Variants in ARL13A observed in about 807,000 individuals in gnomAD.
The protein encoded by ARL13A is ARF like GTPase 13A.
Under a neutral mutation model 19.1 loss-of-function variants are expected in ARL13A, and 16 were observed. The ratio of observed to expected loss-of-function variants is 0.84; its 90% CI spans 0.57 to 1.27. ARL13A has a LOEUF of 1.27. ARL13A is among the 50% of genes most tolerant of loss of function. The pLI is 0.00. For missense variants in ARL13A, 153 were observed against 186.4 expected, an observed-to-expected ratio of 0.82 and a Z score of 1.04; for synonymous variants, 69 against 71.3, an observed-to-expected ratio of 0.97 and a Z score of 0.17.
In ARL13A at chrX:100,987,344, G is replaced by A. The variant is rs144277194; in HGVS notation, c.487-46G>A. On this transcript the variant is annotated intron_variant, in intron 5 of 7. Transcript: ENST00000450049. Reference sequence around the variant, plus strand: ...AGTGACTGGTTCTGCGGGCCCCAGGGGTCCCAGGCTCCAGGTCTGCAGCCT... The same window carrying A: ...AGTGACTGGTTCTGCGGGCCCCAGGAGTCCCAGGCTCCAGGTCTGCAGCCT... The A allele has an allele frequency of 5.6e-4, 665 of 1,180,643 alleles. 12 individuals are homozygous for A. In the East Asian group the frequency reaches 0.019, roughly 34 times the overall value.
At chrX:100,975,646 T>TC (rs376233933) in intron 3 of ARL13A, among the ~76,000 whole-genome samples, 1 of 105,100 alleles carries the variant, frequency 9.5e-6, no homozygotes, top group Non-Finnish European at 1.9e-5. Flanking sequence ...TTTTTTTTTT[T>TC]CTCTGAGACA....
At position 100,985,780 on chromosome X, in the gene ARL13A, T is replaced by C. The variant is rs747694094; in HGVS notation, c.244T>C (p.Trp82Arg). ...LNGDLKGREA[W>R]PNYYAQAHGL... Reference sequence around the variant, plus strand: ...TGGAGACCTGAAGGGCCGGGAAGCATGGCCAAACTACTATGCACAGGCCCA... The same window carrying C: ...TGGAGACCTGAAGGGCCGGGAAGCACGGCCAAACTACTATGCACAGGCCCA... The change falls in exon 4 of 8, where the codon TGG becomes CGG. Residue 82 changes from tryptophan to arginine, a missense_variant. Trp to Arg is a moderately radical substitution (Grantham distance 101). Transcript: ENST00000450049. 6 of 1,209,607 alleles carry C rather than the reference T, an allele frequency of 5.0e-6. No individual in the cohort carries two copies. The African/African-American group carries it at 8.8e-5, about 18-fold the overall frequency.
At position 100,988,130 on chromosome X, in the gene ARL13A, TTAGA is replaced by T. The variant is rs749544653; in HGVS notation, c.654-60_654-57del. 1.2e-4 allele frequency: 109 copies of T among 918,070 alleles called. No homozygotes were observed. The African/African-American group carries it at 1.8e-3, about 15-fold the overall frequency. 75.7% of individuals were successfully genotyped at this position (918,070 alleles called of 1,213,427 possible). Reference sequence around the variant, plus strand: ...TGGCAGGGATGGGGTAGTAGCTGCATTAGATAAAGAAGCTTGAAGTGTGTCCGTT... The same window carrying T: ...TGGCAGGGATGGGGTAGTAGCTGCATTAAAGAAGCTTGAAGTGTGTCCGTT... On this transcript the variant is annotated intron_variant, in intron 6 of 7. Transcript: ENST00000450049.
intron 2 of ARL13A, 138 bp downstream of exon 2, chrX:100,973,886 G>T (rs1047548116): frequency 1.5e-6 from 1 of 688,093 alleles, no homozygotes. Flanking sequence ...ATTGGGGGCA[G>T]GGTTGAGGAG....
chrX:100,978,354 T>A (rs751274827), intron 3 of ARL13A, among the ~76,000 whole-genome samples: 1 of 111,783 alleles, frequency 8.9e-6, no homozygotes, highest in South Asian at 3.7e-4. Flanking sequence ...TCTCTTTAGC[T>A]CTAATAATAT....
chrX:100,984,637 C>T (rs1189574067), intron 3 of ARL13A, among the ~76,000 whole-genome samples: 3 of 112,491 alleles, frequency 2.7e-5, no homozygotes, highest in Non-Finnish European at 5.6e-5. Flanking sequence ...TGAACACCTA[C>T]TGTGTGTAAG....
chrX:100,978,865 A>G (rs2085809069), intron 3 of ARL13A, among the ~76,000 whole-genome samples: 1 of 108,887 alleles, frequency 9.2e-6, no homozygotes. Flanking sequence ...AGGTTTTTTG[A>G]TTTGAAGTTA....
chrX:100,983,383 G>A (rs912867977), intron 3 of ARL13A, among the ~76,000 whole-genome samples: 14 of 109,557 alleles, frequency 1.3e-4, no homozygotes, highest in Admixed American at 5.8e-4. Context: ...TGAGACAGAC[G>A]TCTCGCTCTG....
rs760536959 is a variant in ARL13A at position 100,985,654 on chromosome X, C to T, written c.131-13C>T. On this transcript the variant is annotated splice_polypyrimidine_tract_variant and intron_variant, in intron 3 of 7. Transcript: ENST00000450049. ...TCTAAGTGATTGCTTCTCCTCTTTT[C>T]CCCTATGCACAGTACTTCCCAGTAA... 8.4e-7 allele frequency: 1 copy of T among 1,194,174 alleles called. No homozygotes were observed. Among genetic ancestry groups the T allele is most frequent in the Admixed American group, 2.3e-5 (1 of 44,024 alleles).
intron 7 of ARL13A, among the ~76,000 whole-genome samples, chrX:100,989,437 C>T (rs1332980012): frequency 9.1e-6 from 1 of 109,497 alleles, no homozygotes; most frequent in Non-Finnish European, 1.9e-5. Flanking sequence ...TGGTGAAACC[C>T]GGTCTCTACT....
chrX:100,972,467 C>A (rs1323958312), intron 1 of ARL13A, among the ~76,000 whole-genome samples: 1 of 96,124 alleles, frequency 1.0e-5, no homozygotes, highest in Non-Finnish European at 2.2e-5. Context: ...CCAGACGGGG[C>A]GGCTGGCCGG....
intron 3 of ARL13A, among the ~76,000 whole-genome samples, chrX:100,979,693 G>C (rs1602451970): frequency 9.0e-6 from 1 of 111,708 alleles, no homozygotes; most frequent in Non-Finnish European, 1.9e-5. Flanking sequence ...GCATTGAAGA[G>C]TTAGGTATTT....
intron 7 of ARL13A, 106 bp downstream of exon 7, chrX:100,988,389 G>A (rs764783642): frequency 3.3e-6 from 4 of 1,204,290 alleles, no homozygotes; most frequent in Non-Finnish European, 3.4e-6. Context: ...AAGAAGGTAC[G>A]AGATTATGGT....
rs1317440630 is a variant in ARL13A, at chrX:100,988,856, A to ATATATATCT, written c.744+580_744+581insCTTATATAT. 5.4e-3 allele frequency among the ~76,000 whole-genome samples: 308 copies of ATATATATCT among 56,527 alleles called. 3 individuals carry two copies. The highest frequency in any genetic ancestry group is 0.021 in the African/African-American group (291 of 14,091). The allele number at this position is 56,527 out of a possible 115,157, so 49.1% of individuals were successfully genotyped here. A position where few individuals can be genotyped will look rare whatever the true frequency, so the allele number is the denominator to read the frequency against. ...ATATATGAGATAATATATCTCATAT[A>ATATATATCT]TATATATATATATATATATATATAT... On this transcript the variant is annotated intron_variant, in intron 7 of 7. Coordinates refer to ENST00000450049, the MANE Select transcript of ARL13A (RefSeq NM_001162491.2).
intron 2 of ARL13A, 44 bp downstream of exon 2, chrX:100,973,792 C>T: frequency 8.8e-7 from 1 of 1,138,137 alleles, no homozygotes; most frequent in Non-Finnish European, 1.2e-6. Context: ...ACTATTTCCT[C>T]CCACAAATCT....
intron 7 of ARL13A, chrX:100,988,603 T>G: frequency 1.0e-4 from 84 of 841,856 alleles, no homozygotes; most frequent in African/African-American, 1.3e-4. Context: ...ACATAGGCCT[T>G]CCCTAACAAT....
intron 1 of ARL13A, 26 bp from the exon 2 acceptor site, chrX:100,973,646 CTTAT>C: frequency 1.7e-6 from 2 of 1,185,091 alleles, no homozygotes; most frequent in Non-Finnish European, 2.3e-6. Context: ...GGACTTACTT[CTTAT>C]TTTCTTTCTT....
At chrX:100,974,811 A>C (rs1401768894) in intron 3 of ARL13A, among the ~76,000 whole-genome samples, 2 of 111,956 alleles carry the variant, frequency 1.8e-5, no homozygotes, top group Non-Finnish European at 3.8e-5. Context: ...CCAATCAAAG[A>C]AGCCAGCACT....
At chrX:100,987,658 A>G in intron 6 of ARL13A, 102 bp downstream of exon 6, 1 of 945,649 alleles carries the variant, frequency 1.1e-6, no homozygotes, top group South Asian at 2.3e-5. Context: ...CCTGGGTGGC[A>G]TTGAGCAAGT....
Sources: allele counts gnomAD v4.1 joint callset (sites outside exome capture counted in the v4.1 genomes callset), GRCh38; gene constraint gnomAD v4.1.1; transcripts MANE v1.5; gene names NCBI Gene and HGNC (gene_info 2026-07-23, HGNC 2026-07-21).